SPATA6: variants seen among roughly 807,000 people sequenced by gnomAD.
SPATA6 encodes the protein spermatogenesis-associated protein 6.
Under a neutral mutation model 65.3 loss-of-function variants are expected in SPATA6, and 56 were observed. The observed-to-expected ratio is 0.86, with a 90% CI of 0.69 to 1.07. The LOEUF (loss-of-function observed/expected upper bound fraction) is 1.07, where lower values mean the gene tolerates loss of function less well. Ranked by LOEUF, SPATA6 falls within the 50% of genes least tolerant of loss-of-function variation. SPATA6 has a pLI of 0.00. For synonymous variants in SPATA6, 199 were observed against 213.2 expected (o/e 0.93, Z 0.58); for missense variants, 590 against 594.8 (o/e 0.99, Z 0.08).
chr1:48,462,373 A>G (rs1363094668), intron 1 of SPATA6, among the ~76,000 whole-genome samples: 1 of 152,196 alleles, frequency 6.6e-6, no homozygotes, highest in East Asian at 1.9e-4. Flanking sequence ...ATAATATGAT[A>G]GCTAAGAATT....
intron 8 of SPATA6, among the ~76,000 whole-genome samples, chr1:48,385,952 G>A (rs183118733): frequency 2.6e-4 from 39 of 152,182 alleles, no homozygotes; most frequent in East Asian, 7.7e-4. Context: ...GATCTTACAC[G>A]TAAGGCACTA....
intron 11 of SPATA6, among the ~76,000 whole-genome samples, chr1:48,319,494 A>T (rs1645537421): frequency 6.6e-6 from 1 of 152,134 alleles, no homozygotes; most frequent in Non-Finnish European, 1.5e-5. Flanking sequence ...CTAACACTTC[A>T]AGTAGATTGT....
chr1:48,306,006 C>T, intron 11 of SPATA6, 128 bp from the exon 12 acceptor site: 3 of 648,140 alleles, frequency 4.6e-6, no homozygotes, highest in Non-Finnish European at 7.8e-6. Flanking sequence ...GAATTAAATG[C>T]TAGTGTTTCT....
chr1:48,467,843 T>C (rs1048025023), intron 1 of SPATA6, among the ~76,000 whole-genome samples: 4 of 152,124 alleles, frequency 2.6e-5, no homozygotes. Flanking sequence ...TAATAAGATA[T>C]GCCCTCGCAC....
the SPATA6 span, among the ~76,000 whole-genome samples, chr1:48,283,706 A>AAAGAAAGATAG: frequency 6.9e-6 from 1 of 145,414 alleles, no homozygotes; most frequent in Non-Finnish European, 1.5e-5. Context: ...AAAAAGAAAG[A>AAAGAAAGATAG]AAGAAAGAAA....
chr1:48,306,635 T>C (rs1192072031), intron 11 of SPATA6, among the ~76,000 whole-genome samples: 1 of 151,954 alleles, frequency 6.6e-6, no homozygotes, highest in Admixed American at 6.6e-5. Context: ...ACAGAACTGA[T>C]AACAAAAGAA....
chr1:48,267,697 T>C, the SPATA6 span, among the ~76,000 whole-genome samples: 3 of 150,856 alleles, frequency 2.0e-5, no homozygotes, highest in South Asian at 2.1e-4. Context: ...TGTGTTCTTC[T>C]GCAGTGTGTT....
intron 11 of SPATA6, among the ~76,000 whole-genome samples, chr1:48,343,630 C>T (rs1482099163): frequency 2.0e-5 from 3 of 152,080 alleles, no homozygotes; most frequent in Non-Finnish European, 4.4e-5. Context: ...GAAATAAAAA[C>T]TGAACTTGAT....
chr1:48,282,972 G>A, the SPATA6 span, among the ~76,000 whole-genome samples: 1 of 152,016 alleles, frequency 6.6e-6, no homozygotes, highest in African/African-American at 2.4e-5. Context: ...AGAAAATGTG[G>A]CACATATACA....
intron 11 of SPATA6, among the ~76,000 whole-genome samples, chr1:48,328,889 G>A (rs1416031137): frequency 2.0e-5 from 3 of 151,974 alleles, no homozygotes; most frequent in African/African-American, 4.8e-5. Flanking sequence ...CATTAATTTT[G>A]TACAGTGTTT....
intron 3 of SPATA6, among the ~76,000 whole-genome samples, chr1:48,445,636 G>A (rs1557719548): frequency 2.3e-5 from 3 of 130,008 alleles, no homozygotes; most frequent in Non-Finnish European, 4.6e-5. Flanking sequence ...CTCCAGACTG[G>A]GAGAGAGAGT....
At chr1:48,436,063 G>A in intron 3 of SPATA6, 1 of 1,609,810 alleles carries the variant, frequency 6.2e-7, no homozygotes, top group African/African-American at 1.3e-5. Context: ...ATACTTGGTT[G>A]ATGAGCCAAC....
intron 1 of SPATA6, among the ~76,000 whole-genome samples, chr1:48,469,512 G>A (rs1446296284): frequency 1.3e-5 from 2 of 150,850 alleles, no homozygotes; most frequent in Non-Finnish European, 3.0e-5. Context: ...TGTGTGGTAT[G>A]TGAGAGAGAG....
chr1:48,410,239 G>C (rs1382171375), intron 5 of SPATA6, among the ~76,000 whole-genome samples: 1 of 152,156 alleles, frequency 6.6e-6, no homozygotes, highest in Non-Finnish European at 1.5e-5. Flanking sequence ...GGGGCAAAAT[G>C]CTGCCACTCT....
intron 1 of SPATA6, among the ~76,000 whole-genome samples, chr1:48,462,875 T>A (rs1246919588): frequency 6.6e-6 from 1 of 152,172 alleles, no homozygotes; most frequent in Admixed American, 6.5e-5. Flanking sequence ...GATTAGTATT[T>A]GAATCAGCAG....
In SPATA6 at chr1:48,331,110, A is replaced by G. The variant is rs1175962384; in HGVS notation, c.1194+24560T>C. Among the ~76,000 whole-genome samples the G allele has an allele frequency of 2.0e-5, 3 of 152,242 alleles. No individual in the cohort carries two copies. In the East Asian group the frequency reaches 5.8e-4, roughly 29 times the overall value. ...AAGGACAGCAAATTCAAAGACTGAA[A>G]GAACGTAAGACCACAAAGATGATAA... is the stretch of plus-strand genomic sequence containing the variant. On this transcript the variant is annotated intron_variant, in intron 11 of 12. Transcript: ENST00000371847.
intron 3 of SPATA6, among the ~76,000 whole-genome samples, chr1:48,434,616 T>C (rs922980291): frequency 5.3e-5 from 8 of 152,124 alleles, no homozygotes; most frequent in African/African-American, 1.9e-4. Context: ...GAGCAAGCCA[T>C]ATACACATCT....
At chr1:48,305,739 T>G (rs1645044945) in intron 12 of SPATA6, 48 bp downstream of exon 12, 1 of 1,380,586 alleles carries the variant, frequency 7.2e-7, no homozygotes, top group African/African-American at 1.5e-5. Flanking sequence ...ATAAAACAGT[T>G]ATTTTTATCA....
the SPATA6 span, among the ~76,000 whole-genome samples, chr1:48,274,935 A>C: frequency 6.6e-6 from 1 of 152,002 alleles, no homozygotes; most frequent in East Asian, 1.9e-4. Context: ...TGGGCAGTAT[A>C]CTCATTTTTA....
Sources: allele counts gnomAD v4.1 joint callset (sites outside exome capture counted in the v4.1 genomes callset), GRCh38; gene constraint gnomAD v4.1.1; transcripts MANE v1.5; gene names NCBI Gene and HGNC (gene_info 2026-07-23, HGNC 2026-07-21).